The following FAM186A variants were observed in gnomAD, a reference collection of about 807,000 sequenced individuals.
The protein encoded by FAM186A is protein FAM186A.
FAM186A carries 163 observed loss-of-function variants against 216.8 expected under a neutral mutation model. The ratio of observed to expected loss-of-function variants is 0.75; its 90% confidence interval spans 0.66 to 0.86. The LOEUF is 0.86. FAM186A is among the 40% of genes least tolerant of loss of function. FAM186A has a pLI of 0.00. For synonymous variants in FAM186A, 805 were observed against 1,025.3 expected (o/e 0.79, Z 4.10); for missense variants, 2,184 against 2,746.2 (o/e 0.80, Z 4.58).
Position 50,354,647 on chromosome 12 carries a change from C to A in FAM186A, c.2185G>T (p.Val729Leu). 1 of 1,547,424 alleles carries A rather than the reference C, an allele frequency of 6.5e-7. No individual in the cohort carries two copies. Among genetic ancestry groups the A allele is most frequent in the Non-Finnish European group, 8.7e-7 (1 of 1,146,120 alleles). Residue 729 changes from valine (V) to leucine (L), a missense_variant, in exon 4 of 8, where the codon GTG (valine) becomes TTG (leucine). Physicochemically the swap from Val to Leu is conservative, Grantham distance 32 (BLOSUM62 1). Coordinates refer to ENST00000327337, the MANE Select transcript of FAM186A (RefSeq NM_001145475.3). ...EEYFQKVAETVTKILRKYKDT... is the reference protein window; with the variant it reads ...EEYFQKVAETLTKILRKYKDT... ...TTGTATTTTCTCAAGATTTTAGTCA[C>A]AGTTTCAGCCACTTTTTGGAAATAT...
In FAM186A at chr12:50,352,673, G is replaced by A. The variant is rs1942910548; in HGVS notation, c.4159C>T (p.Leu1387Phe). ...AAGGCCTGAGCCTGCTGAGGGGTGA[G>A]AGGGATCCCCAGTTCCTGAGCCTGC... Reference protein sequence around the residue: ...TQQAQELGIPLTPQQAQALGM... With the variant: ...TQQAQELGIPFTPQQAQALGM... The change falls in exon 4 of 8, where the codon CTC becomes TTC. Residue 1387 changes from leucine (L) to phenylalanine (F), a missense_variant. By Grantham distance (22) the Leu-to-Phe change is conservative. This residue lies in a region of FAM186A where 267 missense variants were observed against 446.2 expected (regional missense o/e 0.60). Coordinates refer to ENST00000327337, the MANE Select transcript of FAM186A (RefSeq NM_001145475.3). 6.6e-7 allele frequency: 1 copy of A among 1,523,778 alleles called. No individual in the cohort carries two copies. Among genetic ancestry groups the A allele is most frequent in the African/African-American group, 1.4e-5 (1 of 70,644 alleles). 94.4% of individuals were successfully genotyped at this position (1,523,778 alleles called of 1,614,324 possible).
rs533418135 is a variant in FAM186A, at chr12:50,363,189, C to A, written c.368G>T (p.Arg123Ile). Residue 123 changes from arginine (R) to isoleucine (I), a missense_variant, in exon 2 of 8, where the codon AGA becomes ATA. Coordinates refer to ENST00000327337, the MANE Select transcript of FAM186A (RefSeq NM_001145475.3). ...CAGAATGTTGGCAAGAGTCTTTTCT[C>A]TTATTTCAATAGTCTTAGCGTAAGT... ...MATYAKTIEI[R>I]EKTLANILAW... 1.9e-6 allele frequency: 3 copies of A among 1,551,102 alleles called. No homozygotes were observed. The highest frequency in any genetic ancestry group is 2.6e-6 in the Non-Finnish European group (3 of 1,146,866).
intron 1 of FAM186A, among the ~76,000 whole-genome samples, chr12:50,369,713 C>T (rs993314407): frequency 9.9e-5 from 15 of 152,010 alleles, no homozygotes; most frequent in African/African-American, 3.4e-4. Flanking sequence ...ATAGGCTGTG[C>T]ACTGGTGGCT....
At chr12:50,390,741 C>T (rs953262645) in intron 1 of FAM186A, among the ~76,000 whole-genome samples, 7 of 152,046 alleles carry the variant, frequency 4.6e-5, no homozygotes, top group African/African-American at 7.2e-5. Context: ...TCAAGGATGC[C>T]GGGGCTTCCT....
At chr12:50,348,705 C>T (rs562114639) in intron 4 of FAM186A, among the ~76,000 whole-genome samples, 129 of 151,580 alleles carry the variant, frequency 8.5e-4, no homozygotes, top group Non-Finnish European at 1.5e-3. Context: ...ATTCCAGGCA[C>T]GTGCCACCAT....
intron 4 of FAM186A, among the ~76,000 whole-genome samples, chr12:50,344,434 A>G (rs1048986598): frequency 2.0e-5 from 3 of 152,170 alleles, no homozygotes; most frequent in African/African-American, 4.8e-5. Context: ...ATTTGCTGCA[A>G]AGGACATGAT....
At chr12:50,365,756 C>G (rs920492160) in intron 1 of FAM186A, 1 of 753,494 alleles carries the variant, frequency 1.3e-6, no homozygotes, top group African/African-American at 1.7e-5. Context: ...CCCCTCTTTC[C>G]GAAGAGCTGA....
chr12:50,370,484 GA>G (rs1342776855), intron 1 of FAM186A, among the ~76,000 whole-genome samples: 1 of 152,028 alleles, frequency 6.6e-6, no homozygotes, highest in African/African-American at 2.4e-5. Context: ...TGGCTACTAT[GA>G]AAAAAACAGA....
chr12:50,374,397 C>A (rs1426052831), intron 1 of FAM186A, among the ~76,000 whole-genome samples: 4 of 149,880 alleles, frequency 2.7e-5, no homozygotes, highest in African/African-American at 7.4e-5. Context: ...GATAGGTGAC[C>A]AATAAAATAA....
chr12:50,348,807 C>T (rs941963517), intron 4 of FAM186A, among the ~76,000 whole-genome samples: 7 of 152,124 alleles, frequency 4.6e-5, no homozygotes, highest in South Asian at 2.1e-4. Context: ...CCACCTGCCT[C>T]GGCCTCCCAA....
chr12:50,366,990 GGTGACAGA>G (rs1176050798), intron 1 of FAM186A, among the ~76,000 whole-genome samples: 2 of 152,060 alleles, frequency 1.3e-5, no homozygotes, highest in Admixed American at 6.6e-5. Flanking sequence ...CTCCAGCCTT[GGTGACAGA>G]GTGAGCCCCG....
intron 1 of FAM186A, among the ~76,000 whole-genome samples, chr12:50,391,505 G>C (rs985809354): frequency 2.0e-5 from 3 of 151,278 alleles, no homozygotes; most frequent in Admixed American, 2.0e-4. Flanking sequence ...TAGTAGATAT[G>C]GGGTTTTACC....
At chr12:50,336,625 G>A (rs1382653524) in intron 4 of FAM186A, among the ~76,000 whole-genome samples, 1 of 152,154 alleles carries the variant, frequency 6.6e-6, no homozygotes, top group Non-Finnish European at 1.5e-5. Flanking sequence ...CAGGGAAGAA[G>A]GGGATGAGGA....
chr12:50,369,814 C>T (rs1943124672), intron 1 of FAM186A, among the ~76,000 whole-genome samples: 1 of 152,026 alleles, frequency 6.6e-6, no homozygotes, highest in Admixed American at 6.6e-5. Context: ...CACTGTGAAA[C>T]CCCATCCCTA....
chr12:50,354,914 C>A lies in FAM186A; in HGVS notation c.1918G>T (p.Val640Phe), dbSNP rs1003890195. ...TTAGCCACTCTTGAGAGTGATTTAACAAGTTGATGAGACTTGACTTGTTTG... is the reference window on the plus strand; with the variant it reads ...TTAGCCACTCTTGAGAGTGATTTAAAAAGTTGATGAGACTTGACTTGTTTG... ...LTKQVKSHQLVKSLSRVAKET... is the reference protein window; with the variant it reads ...LTKQVKSHQLFKSLSRVAKET... The change falls in exon 4 of 8, where the codon GTT (valine) becomes TTT (phenylalanine). Residue 640 changes from valine to phenylalanine, a missense_variant. Coordinates refer to ENST00000327337, the MANE Select transcript of FAM186A (RefSeq NM_001145475.3). 3 of 1,550,596 alleles carry A rather than the reference C, an allele frequency of 1.9e-6. No individual in the cohort carries two copies. The highest frequency in any genetic ancestry group is 2.6e-6 in the Non-Finnish European group (3 of 1,146,842).
In FAM186A at chr12:50,353,301, C is replaced by A; in HGVS notation, c.3531G>T (p.Gln1177His). The A allele has an allele frequency of 6.5e-7, 1 of 1,544,016 alleles. No homozygotes were observed. Among genetic ancestry groups the A allele is most frequent in the Non-Finnish European group, 8.7e-7 (1 of 1,143,700 alleles). The change falls in exon 4 of 8, where the codon CAG (glutamine) becomes CAT (histidine). Residue 1177 changes from glutamine to histidine, a missense_variant. This residue lies in a region of FAM186A where 267 missense variants were observed against 446.2 expected (regional missense o/e 0.60). Transcript: ENST00000327337. ...GAGGGGTGAGAGGGATCCCCAGGGCCTGGGCCTGCTGAGGGGTAAGAGGGA... is the reference window on the plus strand; with the variant it reads ...GAGGGGTGAGAGGGATCCCCAGGGCATGGGCCTGCTGAGGGGTAAGAGGGA... ...LGIPLTPQQA[Q>H]ALGIPLTPQQ...
intron 4 of FAM186A, among the ~76,000 whole-genome samples, chr12:50,347,134 G>T (rs2138769738): frequency 6.6e-6 from 1 of 152,196 alleles, no homozygotes; most frequent in Admixed American, 6.5e-5. Flanking sequence ...TTCACTTGTT[G>T]CTCATACTAC....
intron 4 of FAM186A, among the ~76,000 whole-genome samples, chr12:50,343,649 C>T (rs768380158): frequency 6.7e-5 from 10 of 149,890 alleles, no homozygotes; most frequent in East Asian, 5.9e-4. Flanking sequence ...GACGGAGTCT[C>T]GCTCCGTCAC....
chr12:50,346,031 G>C (rs997747847), intron 4 of FAM186A, among the ~76,000 whole-genome samples: 2 of 146,792 alleles, frequency 1.4e-5, no homozygotes, highest in African/African-American at 5.0e-5. Context: ...AGTTAGCCGG[G>C]CGTGGTGGCG....
Sources: gnomAD v4.1 joint callset for allele counts (sites outside exome capture counted in the v4.1 genomes callset) on GRCh38, gnomAD v4.1.1 for gene constraint, gnomAD v4.1.1 regional missense constraint, MANE v1.5 for transcripts, NCBI Gene and HGNC (gene_info 2026-07-23, HGNC 2026-07-21) for gene names.